RPS6KA6: variants seen among roughly 807,000 people sequenced by gnomAD.
RPS6KA6 encodes ribosomal protein S6 kinase A6.
RPS6KA6 carries 27 observed loss-of-function variants against 65.4 expected under a neutral mutation model. The ratio of observed to expected loss-of-function variants is 0.41; its 90% confidence interval spans 0.30 to 0.57. The LOEUF is 0.57. Among genes scored for constraint, RPS6KA6 ranks in the 20% least tolerant of loss-of-function variants. The pLI is 0.24. For missense variants in RPS6KA6, 486 were observed against 555.6 expected (o/e 0.87, Z 1.26); for synonymous variants, 190 against 184.2 (o/e 1.03, Z -0.26).
At chrX:84,082,445 G>A (rs1408732277) in intron 20 of RPS6KA6, among the ~76,000 whole-genome samples, 1 of 111,449 alleles carries the variant, frequency 9.0e-6, no homozygotes, top group Non-Finnish European at 1.9e-5. Flanking sequence ...GGAAATAAGA[G>A]AGGACACAAT....
At chrX:84,163,878 A>G (rs1950725875) in intron 2 of RPS6KA6, among the ~76,000 whole-genome samples, 1 of 111,461 alleles carries the variant, frequency 9.0e-6, no homozygotes, top group Non-Finnish European at 1.9e-5. Flanking sequence ...TTCTGAAATA[A>G]TTTACACATA....
At chrX:84,130,884 G>A (rs759242882) in intron 8 of RPS6KA6, among the ~76,000 whole-genome samples, 20 of 111,850 alleles carry the variant, frequency 1.8e-4, no homozygotes, top group Non-Finnish European at 1.3e-4. Context: ...TTTGGGGGAG[G>A]AGGGTTATGG....
rs965039888 is a variant in RPS6KA6 at position 84,106,302 on chromosome X, G to A, written c.1365+63C>T. 4 of 1,044,485 alleles carry A rather than the reference G, an allele frequency of 3.8e-6. No individual in the cohort carries two copies. The African/African-American group carries it at 7.6e-5, about 20-fold the overall frequency. 86.1% of individuals were successfully genotyped at this position (1,044,485 alleles called of 1,213,427 possible). On this transcript the variant is annotated intron_variant, in intron 15 of 21. Transcript: ENST00000262752. ...TTTACTCCACTGAAAATGTTTGTCA[G>A]TTGACTCATAATTTAAATTACATGC... is the stretch of plus-strand genomic sequence containing the variant.
In RPS6KA6 at chrX:84,176,748, C is replaced by A. The variant is rs772282156; in HGVS notation, c.81+11071G>T. Among the ~76,000 whole-genome samples, 21 of 111,819 alleles carry A rather than the reference C, an allele frequency of 1.9e-4. 1 individual carries two copies. The South Asian group carries it at 7.8e-3, about 41-fold the overall frequency. On this transcript the variant is annotated intron_variant, in intron 1 of 21. Coordinates refer to ENST00000262752, the MANE Select transcript of RPS6KA6 (RefSeq NM_014496.5). ...AAAACAACTTTATCCCAGTGAGTCA[C>A]AGTTCCTAAATGTCCTACACCATAT... is the stretch of plus-strand genomic sequence containing the variant.
chrX:84,162,027 GACA>G (rs1019288679), intron 2 of RPS6KA6, among the ~76,000 whole-genome samples: 3 of 111,164 alleles, frequency 2.7e-5, no homozygotes, highest in African/African-American at 9.8e-5. Flanking sequence ...TGCTTATTTT[GACA>G]ACAAATAAAA....
chrX:84,093,140 T>C lies in RPS6KA6; in HGVS notation c.1971+3054A>G, dbSNP rs5922911. Among the ~76,000 whole-genome samples the C allele has an allele frequency of 9.4e-3, 1,050 of 111,938 alleles. 8 individuals are homozygous for C. The highest frequency in any genetic ancestry group is 0.016 in the Non-Finnish European group (862 of 53,154). ...TGTGGAATCTAAAACATTGTTCTCA[T>C]AGAAATAGACAGTAGAATAGTGGTT... is the stretch of plus-strand genomic sequence containing the variant. On this transcript the variant is annotated intron_variant, in intron 20 of 21. Transcript: ENST00000262752.
intron 4 of RPS6KA6, 44 bp from the exon 5 acceptor site, chrX:84,147,102 TTTCA>T: frequency 1.4e-6 from 1 of 732,879 alleles, no homozygotes; most frequent in Non-Finnish European, 2.0e-6. Flanking sequence ...TCTTACATCA[TTTCA>T]GTTAAGAGTC....
At chrX:84,085,176 A>G (rs1569374892) in intron 20 of RPS6KA6, among the ~76,000 whole-genome samples, 1 of 110,978 alleles carries the variant, frequency 9.0e-6, no homozygotes, top group Non-Finnish European at 1.9e-5. Context: ...CTCTATTTGA[A>G]TACCCTTTAT....
intron 6 of RPS6KA6, among the ~76,000 whole-genome samples, chrX:84,139,605 G>T (rs1283163814): frequency 9.0e-6 from 1 of 111,405 alleles, no homozygotes; most frequent in African/African-American, 3.3e-5. Context: ...AGAGCTCTGG[G>T]AATCAACAGT....
intron 8 of RPS6KA6, among the ~76,000 whole-genome samples, chrX:84,130,863 T>C (rs889276388): frequency 9.0e-6 from 1 of 111,573 alleles, no homozygotes; most frequent in Non-Finnish European, 1.9e-5. Context: ...GACTGACTTA[T>C]AAGGGGAGAA....
chrX:84,114,319 C>G (rs1006073238), intron 12 of RPS6KA6, among the ~76,000 whole-genome samples: 3 of 110,093 alleles, frequency 2.7e-5, no homozygotes, highest in African/African-American at 9.9e-5. Flanking sequence ...GAGACCTCAT[C>G]TTTACCAAAA....
chrX:84,112,144 T>C (rs1365415836), intron 12 of RPS6KA6, among the ~76,000 whole-genome samples: 1 of 111,534 alleles, frequency 9.0e-6, no homozygotes, highest in Non-Finnish European at 1.9e-5. Context: ...TTATCCTAAA[T>C]ATATATTCAT....
At chrX:84,135,238 G>T (rs776468995) in intron 6 of RPS6KA6, 28 bp from the exon 7 acceptor site, 1 of 992,065 alleles carries the variant, frequency 1.0e-6, no homozygotes, top group Non-Finnish European at 1.4e-6. Context: ...TTTATCATTT[G>T]ATCTTTCTTT....
At position 84,064,163 on chromosome X, in the gene RPS6KA6, T is replaced by G; in HGVS notation, c.*114A>C. 8 of 823,918 alleles carry G rather than the reference T, an allele frequency of 9.7e-6. No individual in the cohort carries two copies. Among genetic ancestry groups the G allele is most frequent in the Non-Finnish European group, 1.3e-5 (8 of 595,530 alleles). 67.9% of individuals were successfully genotyped at this position (823,918 alleles called of 1,213,427 possible). ...ACTTCCCCTAAAAATGGGGATTTAA[T>G]ATTACTTAATATTCAAGTAATTTAG... On this transcript the variant is annotated 3_prime_UTR_variant, in exon 22 of 22. Coordinates refer to ENST00000262752, the MANE Select transcript of RPS6KA6 (RefSeq NM_014496.5).
intron 2 of RPS6KA6, among the ~76,000 whole-genome samples, chrX:84,160,039 T>A (rs1042938104): frequency 6.3e-5 from 7 of 111,196 alleles, no homozygotes; most frequent in Non-Finnish European, 1.1e-4. Flanking sequence ...TTGGTTAGGG[T>A]AGCCCTAGCA....
At chrX:84,153,099 A>C (rs760532840) in intron 3 of RPS6KA6, among the ~76,000 whole-genome samples, 19 of 111,619 alleles carry the variant, frequency 1.7e-4, no homozygotes, top group Non-Finnish European at 3.6e-4. Flanking sequence ...CTGTTTGAAG[A>C]GAAAGAACCA....
chrX:84,164,479 A>G (rs1248739408), intron 1 of RPS6KA6, 92 bp from the exon 2 acceptor site: 4 of 571,122 alleles, frequency 7.0e-6, no homozygotes, highest in Non-Finnish European at 1.1e-5. Context: ...TCCTTCCACA[A>G]TCTAACAAGA....
At chrX:84,142,378 A>C (rs1171807089) in intron 6 of RPS6KA6, among the ~76,000 whole-genome samples, 4 of 111,257 alleles carry the variant, frequency 3.6e-5, no homozygotes, top group Non-Finnish European at 7.6e-5. Flanking sequence ...TTCAGAGGGG[A>C]ATTTATAACA....
At chrX:84,107,779 T>C in intron 12 of RPS6KA6, 54 bp from the exon 13 acceptor site, 1 of 637,660 alleles carries the variant, frequency 1.6e-6, no homozygotes, top group Non-Finnish European at 2.4e-6. Flanking sequence ...AAAATTATTA[T>C]ACTTTGTAAA....
Sources: allele counts gnomAD v4.1 joint callset (sites outside exome capture counted in the v4.1 genomes callset), GRCh38; gene constraint gnomAD v4.1.1; transcripts MANE v1.5; gene names NCBI Gene and HGNC (gene_info 2026-07-23, HGNC 2026-07-21).